Variants in NOD2 observed in about 807,000 individuals in gnomAD.
NOD2 encodes the protein nucleotide binding oligomerization domain containing 2, also known as nucleotide-binding oligomerization domain-containing protein 2.
A neutral mutation model predicts 90.9 loss-of-function variants in NOD2; 86 were observed. That is an observed-to-expected ratio of 0.95 (90% confidence interval 0.79 to 1.13). The LOEUF (loss-of-function observed/expected upper bound fraction) is 1.13. Among genes scored for constraint, NOD2 ranks in the 50% most tolerant of loss-of-function variants. The probability of loss-of-function intolerance (pLI) is 0.00; values close to 1 mark genes in which losing one functional copy is unlikely to be tolerated. For synonymous variants in NOD2, 581 were observed against 554.6 expected, an observed-to-expected ratio of 1.05 and a Z score of -0.67; for missense variants, 1,238 against 1,283.8, an observed-to-expected ratio of 0.96 and a Z score of 0.55.
At chr16:50,718,028 TCATAATAA>T (rs1428388744) in intron 6 of NOD2, among the ~76,000 whole-genome samples, 1 of 152,226 alleles carries the variant, frequency 6.6e-6, no homozygotes, top group Non-Finnish European at 1.5e-5. Context: ...TAATAGCAAC[TCATAATAA>T]AATAGAACAA....
rs773962188 is a variant in NOD2, at chr16:50,711,684, C to T, written c.1692C>T (p.Val564=). ...SLGFLVRAKG[V]VPGSTAPLEF... ...GCTTCCTGGTGCGTGCCAAAGGTGTCGTGCCAGGGAGTACGGCGCCCCTGG... is the reference window on the plus strand; with the variant it reads ...GCTTCCTGGTGCGTGCCAAAGGTGTTGTGCCAGGGAGTACGGCGCCCCTGG... The change falls in exon 4 of 12, where the codon GTC becomes GTT. Residue 564 remains valine (V), a synonymous_variant. Transcript: ENST00000647318. The T allele has an allele frequency of 2.5e-6, 4 of 1,613,730 alleles. No individual in the cohort carries two copies. The highest frequency in any genetic ancestry group is 2.2e-5 in the East Asian group (1 of 44,872).
At chr16:50,700,159 C>G (rs963439875) in intron 2 of NOD2, among the ~76,000 whole-genome samples, 9 of 152,180 alleles carry the variant, frequency 5.9e-5, no homozygotes, top group African/African-American at 2.2e-4. Flanking sequence ...TTCTTTTTCT[C>G]ACTCTGTTAC....
intron 6 of NOD2, chr16:50,719,643 G>T (rs1386916786): frequency 5.2e-6 from 3 of 574,156 alleles, no homozygotes; most frequent in Non-Finnish European, 9.8e-6. Context: ...CTGTCCCGGG[G>T]AAACCACCTC....
chr16:50,709,943 G>A (rs1166851073), intron 3 of NOD2: 1 of 455,866 alleles, frequency 2.2e-6, no homozygotes, highest in Non-Finnish European at 4.4e-6. Context: ...CATTTTTACA[G>A]ATGAGAGAAC....
intron 1 of NOD2, among the ~76,000 whole-genome samples, chr16:50,696,878 T>C (rs536346631): frequency 6.6e-6 from 1 of 152,328 alleles, no homozygotes; most frequent in East Asian, 1.9e-4. Context: ...CCAACGTCAC[T>C]AGCTGGGGTG....
chr16:50,711,493 C>T lies in NOD2; in HGVS notation c.1501C>T (p.Pro501Ser), dbSNP rs779264256. 4 of 1,613,252 alleles carry T rather than the reference C, an allele frequency of 2.5e-6. No individual in the cohort carries two copies. Among genetic ancestry groups the T allele is most frequent in the Non-Finnish European group, 2.5e-6 (3 of 1,179,942 alleles). ...GCATTTTCTGCTGCATGCCACCCCC[C>T]CAGACTCAGCTTCCCAAGGTCTGGG... is the stretch of plus-strand genomic sequence containing the variant. ...LQHFLLHATPPDSASQGLGPS... is the reference protein window; with the variant it reads ...LQHFLLHATPSDSASQGLGPS... The change falls in exon 4 of 12, where the codon CCA becomes TCA. Residue 501 changes from proline (P) to serine (S), a missense_variant. Around this residue, in one of 3 missense-constraint regions of NOD2, gnomAD observed 667 missense variants for 688.7 expected, o/e 0.97. Transcript: ENST00000647318.
At chr16:50,702,327 G>A (rs2150787866) in intron 2 of NOD2, among the ~76,000 whole-genome samples, 1 of 152,352 alleles carries the variant, frequency 6.6e-6, no homozygotes, top group Middle Eastern at 3.4e-3. Flanking sequence ...AGCTGAGTGG[G>A]TAGCAGGGAT....
chr16:50,720,100 C>G, intron 7 of NOD2, 92 bp downstream of exon 7: 1 of 1,161,670 alleles, frequency 8.6e-7, no homozygotes, highest in Non-Finnish European at 1.3e-6. Flanking sequence ...CCAGGAGGCC[C>G]CAGAGGCAGC....
In NOD2 at chr16:50,710,781, C is replaced by A; in HGVS notation, c.789C>A (p.Asp263Glu). 6.2e-7 allele frequency: 1 copy of A among 1,614,120 alleles called. No homozygotes were observed. Among genetic ancestry groups the A allele is most frequent in the Admixed American group, 1.7e-5 (1 of 60,022 alleles). ...ELFSTPGHLN[D>E]DADTVLVVGE... The stretch of plus-strand genomic sequence containing the variant: ...TCAGCACCCCTGGCCACCTCAATGA[C>A]GATGCGGACACTGTGCTGGTGGTGG... The change falls in exon 4 of 12, where the codon GAC becomes GAA. Residue 263 changes from aspartate (D) to glutamate (E), a missense_variant. Asp to Glu is a conservative substitution (Grantham distance 45). Coordinates refer to ENST00000647318, the MANE Select transcript of NOD2 (RefSeq NM_001370466.1).
chr16:50,705,580 T>A (rs1342617736), intron 2 of NOD2, among the ~76,000 whole-genome samples: 2 of 152,232 alleles, frequency 1.3e-5, no homozygotes, highest in Non-Finnish European at 2.9e-5. Flanking sequence ...ACCACAGACC[T>A]TTTGCCTGGG....
chr16:50,723,300 G>T lies in NOD2; in HGVS notation c.2718-1G>T, dbSNP rs576834532. ...TACTTTTGTTCCATGATTACCTCCA[G>T]CCTGGTGGGGAACAACATTGGCAGT... is the stretch of plus-strand genomic sequence containing the variant. On this transcript the variant is annotated splice_acceptor_variant, in intron 8 of 11. Coordinates refer to ENST00000647318, the MANE Select transcript of NOD2 (RefSeq NM_001370466.1). LOFTEE classifies it high-confidence loss of function. 1 of 1,613,742 alleles carries T rather than the reference G, an allele frequency of 6.2e-7. No homozygotes were observed. Among genetic ancestry groups the T allele is most frequent in the Admixed American group, 1.7e-5 (1 of 59,994 alleles).
At chr16:50,718,363 G>A (rs1464084438) in intron 6 of NOD2, among the ~76,000 whole-genome samples, 1 of 152,270 alleles carries the variant, frequency 6.6e-6, no homozygotes, top group African/African-American at 2.4e-5. Context: ...AGCGTATAGA[G>A]CGTGGATGCG....
At chr16:50,722,485 C>T (rs978801261) in intron 7 of NOD2, 137 bp from the exon 8 acceptor site, 5 of 857,820 alleles carry the variant, frequency 5.8e-6, no homozygotes, top group African/African-American at 4.9e-5. Flanking sequence ...ACCAGGAGCC[C>T]CAGTGAGGCC....
intron 1 of NOD2, among the ~76,000 whole-genome samples, chr16:50,698,209 A>G (rs530061257): frequency 5.4e-4 from 82 of 152,220 alleles, no homozygotes; most frequent in Non-Finnish European, 1.1e-3. Flanking sequence ...ACAATCGCAG[A>G]ACTGACCATG....
rs1416058507 is a variant in NOD2, at chr16:50,710,574, G to T, written c.582G>T (p.Lys194Asn). The T allele has an allele frequency of 2.5e-6, 4 of 1,614,100 alleles. No homozygotes were observed. Among genetic ancestry groups the T allele is most frequent in the Non-Finnish European group, 1.7e-6 (2 of 1,180,052 alleles). ...ALPLEAATCK[K>N]YMAKLRTTVS... ...GCCTTCCAGCTGCCACATGCAAGAAGTATATGGCCAAGCTGAGGACCACGG... is the reference window on the plus strand; with the variant it reads ...GCCTTCCAGCTGCCACATGCAAGAATTATATGGCCAAGCTGAGGACCACGG... Residue 194 changes from lysine (K) to asparagine (N), a missense_variant, in exon 4 of 12, where the codon AAG (lysine) becomes AAT (asparagine). By Grantham distance (94) the Lys-to-Asn change is moderately conservative. Around this residue, in one of 3 missense-constraint regions of NOD2, gnomAD observed 567 missense variants for 577.3 expected, o/e 0.98. Transcript: ENST00000647318.
chr16:50,716,552 C>T, intron 4 of NOD2, 35 bp from the exon 5 acceptor site: 1 of 1,580,096 alleles, frequency 6.3e-7, no homozygotes, highest in Non-Finnish European at 8.7e-7. Context: ...GTCTTACTAG[C>T]TCCATTTTCA....
At chr16:50,708,532 T>C (rs573477142) in intron 3 of NOD2, among the ~76,000 whole-genome samples, 1 of 152,272 alleles carries the variant, frequency 6.6e-6, no homozygotes, top group Non-Finnish European at 1.5e-5. Context: ...TTTTCCACCT[T>C]ATAGATGTGG....
chr16:50,699,579 T>G lies in NOD2; in HGVS notation c.84T>G (p.Ser28Arg). The G allele has an allele frequency of 6.2e-7, 1 of 1,613,790 alleles. No individual in the cohort carries two copies. Among genetic ancestry groups the G allele is most frequent in the Non-Finnish European group, 8.5e-7 (1 of 1,179,826 alleles). The change falls in exon 2 of 12, where the codon AGT becomes AGG. Residue 28 changes from serine (S) to arginine (R), a missense_variant. Ser to Arg is a moderately radical substitution (Grantham distance 110). Transcript: ENST00000647318. Reference protein sequence around the residue: ...LVSGSLEGFESVLDWLLSWEV... With the variant: ...LVSGSLEGFERVLDWLLSWEV... Reference sequence around the variant, plus strand: ...CAGGGTCCCTGGAAGGCTTCGAGAGTGTCCTGGACTGGCTGCTGTCCTGGG... The same window carrying G: ...CAGGGTCCCTGGAAGGCTTCGAGAGGGTCCTGGACTGGCTGCTGTCCTGGG...
intron 1 of NOD2, chr16:50,697,080 G>T: frequency 1.5e-6 from 1 of 687,344 alleles, no homozygotes; most frequent in South Asian, 1.6e-5. Flanking sequence ...CTGGAAGGCT[G>T]GTTGGCCAAC....
Sources: gnomAD v4.1 joint callset for allele counts (sites outside exome capture counted in the v4.1 genomes callset) on GRCh38, gnomAD v4.1.1 for gene constraint, gnomAD v4.1.1 regional missense constraint, MANE v1.5 for transcripts, NCBI Gene and HGNC (gene_info 2026-07-23, HGNC 2026-07-21) for gene names.